OR2L13: variants seen among roughly 807,000 people sequenced by gnomAD.
The protein encoded by OR2L13 is olfactory receptor family 2 subfamily L member 13.
Under a neutral mutation model 15.3 loss-of-function variants are expected in OR2L13, and 14 were observed. The observed-to-expected ratio is 0.91, with a 90% CI of 0.60 to 1.43. The LOEUF (loss-of-function observed/expected upper bound fraction) is 1.43. OR2L13 is among the 40% of genes most tolerant of loss of function. The pLI is 0.00. For synonymous variants in OR2L13, 152 were observed against 142.9 expected (o/e 1.06, Z -0.45); for missense variants, 367 against 387.9 (o/e 0.95, Z 0.45).
At chr1:248,017,672 A>T in the OR2L13 span, among the ~76,000 whole-genome samples, 12 of 151,864 alleles carry the variant, frequency 7.9e-5, no homozygotes, top group Non-Finnish European at 1.6e-4. Flanking sequence ...GGGTCCAGTG[A>T]TTTTCTTCTG....
chr1:248,030,278 C>T, the OR2L13 span: 4 of 151,980 alleles, frequency 2.6e-5, no homozygotes, highest in African/African-American at 7.2e-5. Context: ...TTGATCACAG[C>T]GAAGAAGGGA....
the OR2L13 span, among the ~76,000 whole-genome samples, chr1:248,075,399 C>G: frequency 0.052 from 7,903 of 152,286 alleles, 690 homozygotes; most frequent in African/African-American, 0.18. Context: ...AATGGTTATT[C>G]TAGTTCTAGG....
chr1:248,017,670 T>G, the OR2L13 span, among the ~76,000 whole-genome samples: 1 of 152,094 alleles, frequency 6.6e-6, no homozygotes, highest in Non-Finnish European at 1.5e-5. Flanking sequence ...GGGGGTCCAG[T>G]GATTTTCTTC....
the OR2L13 span, among the ~76,000 whole-genome samples, chr1:247,959,702 A>G: frequency 6.6e-6 from 1 of 152,070 alleles, no homozygotes; most frequent in South Asian, 2.1e-4. Flanking sequence ...TTGATATTCC[A>G]TCACTGATAC....
the OR2L13 span, chr1:247,949,034 T>C: frequency 6.2e-7 from 1 of 1,613,974 alleles, no homozygotes. Context: ...CACCCATGTA[T>C]TTCCTACTGA....
the OR2L13 span, among the ~76,000 whole-genome samples, chr1:247,996,107 C>T: frequency 7.2e-3 from 1,102 of 152,296 alleles, 31 homozygotes; most frequent in East Asian, 0.057. Context: ...CCTCCTTCAG[C>T]TGACCTACGA....
the OR2L13 span, chr1:248,004,164 CA>C: frequency 7.8e-5 from 79 of 1,014,972 alleles, no homozygotes; most frequent in African/African-American, 9.8e-4. Context: ...AGTTCAGGAG[CA>C]AAAAGTAATC....
chr1:248,088,825 G>T, the OR2L13 span, among the ~76,000 whole-genome samples: 1 of 152,138 alleles, frequency 6.6e-6, no homozygotes, highest in Non-Finnish European at 1.5e-5. Context: ...AAGAACTTCT[G>T]TCCATGCCAT....
the OR2L13 span, chr1:248,023,770 CA>C: frequency 6.6e-6 from 1 of 152,128 alleles, no homozygotes; most frequent in African/African-American, 2.4e-5. Context: ...TGGCTCTCCA[CA>C]AGAGCCCATT....
At chr1:248,020,820 A>T in the OR2L13 span, among the ~76,000 whole-genome samples, 1 of 151,382 alleles carries the variant, frequency 6.6e-6, no homozygotes, top group African/African-American at 2.4e-5. Context: ...ATTTTTTATT[A>T]TACTTTAACT....
the OR2L13 span, among the ~76,000 whole-genome samples, chr1:247,955,645 C>A: frequency 7.0e-6 from 1 of 142,674 alleles, no homozygotes; most frequent in African/African-American, 2.5e-5. Context: ...ACCATTCTAA[C>A]TGGTGTGAGA....
chr1:247,989,622 T>C, the OR2L13 span, among the ~76,000 whole-genome samples: 849 of 152,322 alleles, frequency 5.6e-3, 11 homozygotes, highest in Middle Eastern at 0.024. Flanking sequence ...GATATTTTTC[T>C]AAATAGGAAA....
chr1:247,993,149 T>C, the OR2L13 span, among the ~76,000 whole-genome samples: 3 of 152,146 alleles, frequency 2.0e-5, no homozygotes, highest in East Asian at 5.8e-4. Flanking sequence ...TTTTTCTTGT[T>C]TTTTGGCCAC....
the OR2L13 span, chr1:247,996,938 T>C: frequency 4.2e-3 from 647 of 152,282 alleles, 4 homozygotes; most frequent in African/African-American, 0.014. Flanking sequence ...TTTCCAAGAA[T>C]GTACACCAAC....
At chr1:248,008,865 A>C in the OR2L13 span, among the ~76,000 whole-genome samples, 1 of 152,160 alleles carries the variant, frequency 6.6e-6, no homozygotes, top group African/African-American at 2.4e-5. Flanking sequence ...ATCAAATTAG[A>C]ACTCAGGACT....
At chr1:248,034,796 T>C in the OR2L13 span, among the ~76,000 whole-genome samples, 2 of 152,238 alleles carry the variant, frequency 1.3e-5, no homozygotes, top group Admixed American at 6.5e-5. Flanking sequence ...TATAGCCACT[T>C]GAAGCCTAGG....
At chr1:247,993,356 T>C in the OR2L13 span, among the ~76,000 whole-genome samples, 1 of 151,464 alleles carries the variant, frequency 6.6e-6, no homozygotes, top group Non-Finnish European at 1.5e-5. Context: ...TTTTTTTTTT[T>C]CTGTGCAGAA....
the OR2L13 span, among the ~76,000 whole-genome samples, chr1:247,973,305 G>A: frequency 1.3e-5 from 2 of 152,024 alleles, no homozygotes; most frequent in Non-Finnish European, 2.9e-5. Flanking sequence ...AAGAAATAAA[G>A]GATATTCAAA....
the OR2L13 span, among the ~76,000 whole-genome samples, chr1:248,069,374 A>G: frequency 2.6e-5 from 4 of 152,306 alleles, no homozygotes; most frequent in African/African-American, 9.6e-5. Flanking sequence ...CAGCCAAACT[A>G]AGCTTCATAA....
Sources: allele counts gnomAD v4.1 joint callset (sites outside exome capture counted in the v4.1 genomes callset), GRCh38; gene constraint gnomAD v4.1.1; transcripts MANE v1.5; gene names NCBI Gene and HGNC (gene_info 2026-07-23, HGNC 2026-07-21).